Variants in PFDN1 observed in about 807,000 individuals in gnomAD.
The protein encoded by PFDN1 is prefoldin 1.
PFDN1 carries 6 observed loss-of-function variants against 17.3 expected under a neutral mutation model. The ratio of observed to expected loss-of-function variants is 0.35; its 90% CI spans 0.19 to 0.69. The LOEUF (loss-of-function observed/expected upper bound fraction) is 0.69. PFDN1 is among the 30% of genes least tolerant of loss of function. PFDN1 has a pLI of 0.65. For missense variants in PFDN1, 113 were observed against 146.2 expected, an observed-to-expected ratio of 0.77 and a Z score of 1.17; for synonymous variants, 58 against 50.1, an observed-to-expected ratio of 1.16 and a Z score of -0.67.
At chr5:140,252,530 T>G (rs1441530592) in intron 3 of PFDN1, among the ~76,000 whole-genome samples, 1 of 152,162 alleles carries the variant, frequency 6.6e-6, no homozygotes, top group Non-Finnish European at 1.5e-5. Context: ...TCAAAAAAAC[T>G]GAAGGCAATG....
chr5:140,285,235 T>C (rs12187444), intron 2 of PFDN1, among the ~76,000 whole-genome samples: 27,027 of 151,306 alleles, frequency 0.18, 2,729 homozygotes, highest in South Asian at 0.24. Flanking sequence ...AGAAAAGACA[T>C]AAGAATGAGC....
intron 3 of PFDN1, among the ~76,000 whole-genome samples, chr5:140,246,332 ACT>A (rs1764829306): frequency 6.6e-6 from 1 of 152,136 alleles, no homozygotes; most frequent in Non-Finnish European, 1.5e-5. Flanking sequence ...AAGGAAGAAG[ACT>A]CTAAAAAACA....
intron 3 of PFDN1, among the ~76,000 whole-genome samples, chr5:140,263,188 G>C (rs1358046849): frequency 6.6e-6 from 1 of 152,190 alleles, no homozygotes; most frequent in Admixed American, 6.5e-5. Context: ...GAACAAAGGG[G>C]CTCGGCCCCT....
intron 2 of PFDN1, among the ~76,000 whole-genome samples, chr5:140,294,775 A>C (rs901239621): frequency 3.9e-5 from 6 of 151,984 alleles, no homozygotes; most frequent in African/African-American, 1.2e-4. Flanking sequence ...TAAGTTTTAC[A>C]CTTCTGGATC....
chr5:140,250,431 T>C (rs913948412), intron 3 of PFDN1, among the ~76,000 whole-genome samples: 2 of 152,054 alleles, frequency 1.3e-5, no homozygotes, highest in African/African-American at 4.8e-5. Flanking sequence ...CTTTCTCAAA[T>C]GTTACCTTAT....
intron 3 of PFDN1, among the ~76,000 whole-genome samples, chr5:140,269,608 C>T (rs181012006): frequency 3.3e-5 from 5 of 152,324 alleles, no homozygotes; most frequent in Admixed American, 1.3e-4. Flanking sequence ...CGTGAGCCAC[C>T]GTGACCCGCC....
At chr5:140,262,742 T>C (rs1220482474) in intron 3 of PFDN1, among the ~76,000 whole-genome samples, 1 of 151,790 alleles carries the variant, frequency 6.6e-6, no homozygotes, top group Non-Finnish European at 1.5e-5. Flanking sequence ...CTGGGGAAGG[T>C]GTGGGAGGGA....
At chr5:140,279,088 G>A (rs1765348978) in intron 3 of PFDN1, among the ~76,000 whole-genome samples, 1 of 152,206 alleles carries the variant, frequency 6.6e-6, no homozygotes, top group South Asian at 2.1e-4. Flanking sequence ...TCAAATGATG[G>A]AAAACAGTAT....
At chr5:140,297,857 A>G (rs1765676349) in intron 2 of PFDN1, among the ~76,000 whole-genome samples, 1 of 152,242 alleles carries the variant, frequency 6.6e-6, no homozygotes, top group Non-Finnish European at 1.5e-5. Flanking sequence ...AAAGGGAGTA[A>G]AACGTTTTTT....
chr5:140,293,058 G>A (rs927374448), intron 2 of PFDN1: 1 of 151,960 alleles, frequency 6.6e-6, no homozygotes, highest in Non-Finnish European at 1.5e-5. Context: ...GAAAATTCTT[G>A]GTATGGCTTA....
intron 2 of PFDN1, among the ~76,000 whole-genome samples, chr5:140,290,364 G>C (rs1765561574): frequency 6.6e-6 from 1 of 152,162 alleles, no homozygotes; most frequent in South Asian, 2.1e-4. Flanking sequence ...TCTGGTTGTT[G>C]TCATGCCTCA....
chr5:140,254,570 A>G lies in PFDN1; in HGVS notation c.286-8513T>C, dbSNP rs1343607196. Reference sequence around the variant, plus strand: ...AGCTGTACCATTCAAGGTGACTTCAACAAGAATGTAGATGACCCACCCAAT... The same window carrying G: ...AGCTGTACCATTCAAGGTGACTTCAGCAAGAATGTAGATGACCCACCCAAT... On this transcript the variant is annotated intron_variant, in intron 3 of 3. Coordinates refer to ENST00000261813, the MANE Select transcript of PFDN1 (RefSeq NM_002622.5). This position sits in a 1 kb window ranked among gnomAD's most constrained non-coding sequence, Gnocchi z 4.4. Among the ~76,000 whole-genome samples the G allele has an allele frequency of 1.3e-5, 2 of 152,076 alleles. No individual in the cohort carries two copies. Among genetic ancestry groups the G allele is most frequent in the East Asian group, 1.9e-4 (1 of 5,190 alleles).
intron 3 of PFDN1, among the ~76,000 whole-genome samples, chr5:140,269,414 G>A (rs1403693671): frequency 6.6e-6 from 1 of 151,910 alleles, no homozygotes; most frequent in East Asian, 1.9e-4. Flanking sequence ...CATCTCCCGG[G>A]TTCAAGCGAT....
chr5:140,273,541 G>A (rs1427771134), intron 3 of PFDN1, among the ~76,000 whole-genome samples: 1 of 152,126 alleles, frequency 6.6e-6, no homozygotes, highest in African/African-American at 2.4e-5. Context: ...AGTGTCACAG[G>A]CACCTCCTAT....
intron 3 of PFDN1, among the ~76,000 whole-genome samples, chr5:140,257,701 C>G (rs1316140544): frequency 6.6e-6 from 1 of 152,192 alleles, no homozygotes; most frequent in Admixed American, 6.5e-5. Context: ...GCACCAAGAA[C>G]TGGCACATAA....
intron 2 of PFDN1, among the ~76,000 whole-genome samples, chr5:140,286,421 A>C (rs1189919870): frequency 6.6e-6 from 1 of 151,084 alleles, no homozygotes; most frequent in Non-Finnish European, 1.5e-5. Flanking sequence ...CAAAAAAAAA[A>C]AAAAAAAAGA....
chr5:140,292,359 T>C (rs779406122), intron 2 of PFDN1, among the ~76,000 whole-genome samples: 2 of 152,084 alleles, frequency 1.3e-5, no homozygotes, highest in Non-Finnish European at 2.9e-5. Context: ...CATAGAGAAA[T>C]ATAAATATAC....
At chr5:140,279,577 C>T (rs1765358737) in intron 3 of PFDN1, among the ~76,000 whole-genome samples, 1 of 152,038 alleles carries the variant, frequency 6.6e-6, no homozygotes, top group African/African-American at 2.4e-5. Flanking sequence ...AATCCTCCCG[C>T]TTCAGCCTCC....
chr5:140,273,582 A>T (rs1765244259), intron 3 of PFDN1, among the ~76,000 whole-genome samples: 1 of 151,906 alleles, frequency 6.6e-6, no homozygotes. Context: ...CTTCCTATTT[A>T]TTTCAGGAAC....
Sources: allele counts gnomAD v4.1 joint callset (sites outside exome capture counted in the v4.1 genomes callset), GRCh38; gene constraint gnomAD v4.1.1; non-coding constraint Gnocchi (gnomAD v3.1); transcripts MANE v1.5; gene names NCBI Gene and HGNC (gene_info 2026-07-23, HGNC 2026-07-21).